Variants in PITPNM3 observed in about 807,000 individuals in gnomAD.
The protein encoded by PITPNM3 is PITPNM family member 3, also known as membrane-associated phosphatidylinositol transfer protein 3.
In PITPNM3, 26 loss-of-function variants were observed where a neutral mutation model predicts 102.0. That is an observed-to-expected ratio of 0.25 (90% CI 0.19 to 0.35). The LOEUF (loss-of-function observed/expected upper bound fraction) is 0.35, where lower values mean the gene tolerates loss of function less well. PITPNM3 is among the 10% of genes least tolerant of loss of function. PITPNM3 has a pLI of 1.00. For missense variants in PITPNM3, 1,083 were observed against 1,346.1 expected, an observed-to-expected ratio of 0.80 and a Z score of 3.06; for synonymous variants, 578 against 558.6, an observed-to-expected ratio of 1.03 and a Z score of -0.49.
intron 19 of PITPNM3, among the ~76,000 whole-genome samples, chr17:6,456,414 C>A (rs527933672): frequency 5.3e-4 from 80 of 152,248 alleles, no homozygotes; most frequent in Non-Finnish European, 1.0e-3. Flanking sequence ...TGCCTCTTGT[C>A]ATTTTTCTGA....
rs1286555617 is a variant in PITPNM3, at chr17:6,457,099, A to G, written c.2619+495T>C. On this transcript the variant is annotated intron_variant, in intron 19 of 19. Transcript: ENST00000262483. This position sits in a 1 kb window ranked among gnomAD's most constrained non-coding sequence, Gnocchi z 4.7. Reference sequence around the variant, plus strand: ...CCCCCCACCTCCCAGCTCACGTCCCATGCAGCCAAGCTGAGTCACTGGCAG... The same window carrying G: ...CCCCCCACCTCCCAGCTCACGTCCCGTGCAGCCAAGCTGAGTCACTGGCAG... 6.7e-6 allele frequency among the ~76,000 whole-genome samples: 1 copy of G among 149,624 alleles called. No individual in the cohort carries two copies. The highest frequency in any genetic ancestry group is 1.5e-5 in the Non-Finnish European group (1 of 67,498).
intron 14 of PITPNM3, among the ~76,000 whole-genome samples, chr17:6,465,195 C>T (rs369555989): frequency 4.6e-5 from 7 of 152,280 alleles, no homozygotes; most frequent in East Asian, 1.9e-4. Flanking sequence ...TACAGGCATG[C>T]GCCTCCACAC....
intron 17 of PITPNM3, among the ~76,000 whole-genome samples, chr17:6,463,286 C>T (rs982723199): frequency 3.9e-5 from 6 of 152,276 alleles, no homozygotes; most frequent in Admixed American, 3.3e-4. Context: ...TACAGTTTCT[C>T]ATGCCTGTGA....
chr17:6,461,688 G>T (rs1181168253), intron 17 of PITPNM3, 132 bp from the exon 18 acceptor site: 1 of 1,050,522 alleles, frequency 9.5e-7, no homozygotes, highest in Non-Finnish European at 1.5e-6. Flanking sequence ...GGGAGAACAA[G>T]GGGGACCCCG....
chr17:6,507,542 C>T (rs1907605069), intron 3 of PITPNM3, among the ~76,000 whole-genome samples: 1 of 152,092 alleles, frequency 6.6e-6, no homozygotes, highest in Non-Finnish European at 1.5e-5. Context: ...CGAGATAGTG[C>T]CACTGCACTC....
intron 18 of PITPNM3, chr17:6,460,536 A>G (rs1194760676): frequency 6.6e-6 from 1 of 152,354 alleles, no homozygotes; most frequent in Non-Finnish European, 1.5e-5. Flanking sequence ...TGCAAAAGCA[A>G]TCATAGACAA....
At chr17:6,509,436 TCTC>T (rs1206769014) in intron 3 of PITPNM3, among the ~76,000 whole-genome samples, 1 of 152,076 alleles carries the variant, frequency 6.6e-6, no homozygotes, top group Non-Finnish European at 1.5e-5. Flanking sequence ...AATTGGGAAT[TCTC>T]CTGATAAACC....
Position 6,464,659 on chromosome 17 carries a change from T to C in PITPNM3, c.2003A>G (p.Glu668Gly). Residue 668 changes from glutamate (E) to glycine (G), a missense_variant, in exon 15 of 20, where the codon GAG becomes GGG. Glu to Gly is a moderately conservative substitution (Grantham distance 98). Around this residue, in one of 5 missense-constraint regions of PITPNM3, gnomAD observed 410 missense variants for 638.4 expected, o/e 0.64. Transcript: ENST00000262483. Reference sequence around the variant, plus strand: ...GGGAGGCCCAGCCCCAGGTACCTTCTCTCCAGTCAGAGCCACCATGTCGAG... The same window carrying C: ...GGGAGGCCCAGCCCCAGGTACCTTCCCTCCAGTCAGAGCCACCATGTCGAG... ...GPLDMVALTG[E>G]KVDILVMAEP... 6.2e-7 allele frequency: 1 copy of C among 1,613,596 alleles called. No homozygotes were observed. The highest frequency in any genetic ancestry group is 2.2e-5 in the East Asian group (1 of 44,864).
intron 4 of PITPNM3, among the ~76,000 whole-genome samples, chr17:6,499,064 C>A (rs535814547): frequency 1.1e-3 from 166 of 152,252 alleles, no homozygotes; most frequent in African/African-American, 3.9e-3. Context: ...TGCACAGCAA[C>A]TCGGCAGTAG....
At chr17:6,489,522 C>T (rs1268382548) in intron 4 of PITPNM3, among the ~76,000 whole-genome samples, 1 of 151,928 alleles carries the variant, frequency 6.6e-6, no homozygotes, top group Non-Finnish European at 1.5e-5. Flanking sequence ...CAGGCCAGGG[C>T]TCTTCATCAT....
intron 14 of PITPNM3, among the ~76,000 whole-genome samples, chr17:6,466,550 G>A (rs570346129): frequency 4.6e-5 from 7 of 152,192 alleles, no homozygotes; most frequent in African/African-American, 7.2e-5. Context: ...GAAATACCCC[G>A]TCACACCCAC....
intron 1 of PITPNM3, among the ~76,000 whole-genome samples, chr17:6,540,022 G>A (rs900135150): frequency 4.0e-4 from 61 of 152,294 alleles, no homozygotes; most frequent in African/African-American, 1.3e-3. Context: ...ATACATGCAC[G>A]GTTTAGATCC....
At chr17:6,460,841 A>T (rs528171189) in intron 18 of PITPNM3, 1 of 176,222 alleles carries the variant, frequency 5.7e-6, no homozygotes, top group Non-Finnish European at 1.2e-5. Context: ...CCCTCCCCAG[A>T]GTTTCTGATT....
intron 6 of PITPNM3, chr17:6,479,980 C>T (rs1905563443): frequency 6.6e-6 from 1 of 152,186 alleles, no homozygotes; most frequent in South Asian, 2.1e-4. Flanking sequence ...GGTCAGATGT[C>T]CTGGGGACAG....
chr17:6,482,054 CTCTCTCTCTCTG>C (rs1567670431), intron 6 of PITPNM3, among the ~76,000 whole-genome samples: 15 of 110,652 alleles, frequency 1.4e-4, no homozygotes, highest in South Asian at 5.7e-4. Context: ...CTCTCTCTCT[CTCTCTCTCTCTG>C]TCTCTCTCTC....
chr17:6,534,517 G>A (rs1000658258), intron 2 of PITPNM3, among the ~76,000 whole-genome samples: 7 of 152,190 alleles, frequency 4.6e-5, no homozygotes, highest in Non-Finnish European at 7.3e-5. Context: ...GGTCCTAATC[G>A]GTAACACATC....
chr17:6,484,209 A>G lies in PITPNM3; in HGVS notation c.351+7T>C, dbSNP rs200790361. ...TGAGCCCAGACACCCTCCGAAGCCCAGCCTACCTCGCTGTCTTCGTGGATC... is the reference window on the plus strand; with the variant it reads ...TGAGCCCAGACACCCTCCGAAGCCCGGCCTACCTCGCTGTCTTCGTGGATC... On this transcript the variant is annotated splice_region_variant and intron_variant, in intron 5 of 19. Transcript: ENST00000262483. The G allele has an allele frequency of 1.5e-4, 234 of 1,603,034 alleles. No individual in the cohort carries two copies. Among genetic ancestry groups the G allele is most frequent in the Non-Finnish European group, 1.9e-4 (221 of 1,170,206 alleles).
intron 4 of PITPNM3, among the ~76,000 whole-genome samples, chr17:6,487,135 C>A (rs925200571): frequency 6.6e-6 from 1 of 152,152 alleles, no homozygotes. Flanking sequence ...GGAGTGATGG[C>A]AGGGCTGAGG....
intron 2 of PITPNM3, among the ~76,000 whole-genome samples, chr17:6,528,802 A>AACAC (rs35605575): frequency 4.7e-5 from 7 of 150,504 alleles, no homozygotes; most frequent in Admixed American, 4.6e-4. Flanking sequence ...AAGCAACAAG[A>AACAC]ACACACACAC....
Sources: allele counts gnomAD v4.1 joint callset (sites outside exome capture counted in the v4.1 genomes callset), GRCh38; gene constraint gnomAD v4.1.1; regional missense constraint gnomAD v4.1.1; non-coding constraint Gnocchi (gnomAD v3.1); transcripts MANE v1.5; gene names NCBI Gene and HGNC (gene_info 2026-07-23, HGNC 2026-07-21).